C16orf96: variants seen among roughly 807,000 people sequenced by gnomAD.
C16orf96 encodes chromosome 16 open reading frame 96, also known as uncharacterized protein C16orf96.
Under a neutral mutation model 103.6 loss-of-function variants are expected in C16orf96, and 108 were observed. The observed-to-expected ratio is 1.04, with a 90% CI of 0.89 to 1.22. The LOEUF is 1.22. Ranked by LOEUF, C16orf96 falls within the 50% of genes most tolerant of loss-of-function variation. The pLI, the probability that C16orf96 is intolerant of heterozygous loss-of-function variation, is 0.00. For synonymous variants in C16orf96, 566 were observed against 593.5 expected, an observed-to-expected ratio of 0.95 and a Z score of 0.67; for missense variants, 1,586 against 1,464.2, an observed-to-expected ratio of 1.08 and a Z score of -1.36.
chr16:4,587,153 A>T, intron 8 of C16orf96, 40 bp downstream of exon 8: 1 of 1,502,582 alleles, frequency 6.7e-7, no homozygotes. Context: ...CTGCTCCCCT[A>T]CCCAGGGAAA....
intron 2 of C16orf96, among the ~76,000 whole-genome samples, chr16:4,573,438 CAA>C (rs71139644): frequency 4.7e-3 from 328 of 69,728 alleles, no homozygotes; most frequent in Non-Finnish European, 6.4e-3. Flanking sequence ...GACTCCGTCT[CAA>C]AAAAAAAAAA....
chr16:4,552,806 A>G (rs909456286), upstream of C16orf96, among the ~76,000 whole-genome samples: 5 of 152,208 alleles, frequency 3.3e-5, no homozygotes, highest in South Asian at 4.1e-4. Flanking sequence ...TCTGTTGTTC[A>G]TATGCTTGCC....
the C16orf96 span, among the ~76,000 whole-genome samples, chr16:4,541,632 T>C: frequency 6.6e-6 from 1 of 152,206 alleles, no homozygotes. Flanking sequence ...TAGTGTCATC[T>C]TTTTCTCATT....
chr16:4,599,405 G>A (rs1186764102), intron 15 of C16orf96, 41 bp downstream of exon 15: 1 of 1,513,066 alleles, frequency 6.6e-7, no homozygotes, highest in Non-Finnish European at 9.0e-7. Flanking sequence ...CTGTGATTCT[G>A]GAAGGGTCTC....
At chr16:4,549,258 A>G in the C16orf96 span, among the ~76,000 whole-genome samples, 2 of 151,956 alleles carry the variant, frequency 1.3e-5, no homozygotes, top group African/African-American at 4.8e-5. Context: ...GTGGATCACA[A>G]GGTCAGGAGA....
upstream of C16orf96, among the ~76,000 whole-genome samples, chr16:4,554,196 A>T (rs1249091195): frequency 3.3e-5 from 5 of 152,136 alleles, no homozygotes; most frequent in East Asian, 5.8e-4. Flanking sequence ...TGTCCTTATG[A>T]TGTCAGAGCA....
At position 4,575,490 on chromosome 16, in the gene C16orf96, G is replaced by T. The variant is rs1310860202; in HGVS notation, c.1010G>T (p.Gly337Val). The T allele has an allele frequency of 1.9e-5, 29 of 1,547,716 alleles. No individual in the cohort carries two copies. In the South Asian group the frequency reaches 2.9e-4, roughly 15 times the overall value. The change falls in exon 5 of 16, where the codon GGA (glycine) becomes GTA (valine). Residue 337 changes from glycine (G) to valine (V), a missense_variant. Gly to Val is a moderately radical substitution (Grantham distance 109). Coordinates refer to ENST00000444310, the MANE Select transcript of C16orf96 (RefSeq NM_001145011.2). The part of the protein sequence containing the change: ...GPAPGTEPVP[G>V]LELGLELEPV... ...GCACCTGGGACTGAACCTGTGCCAG[G>T]ACTGGAGCTGGGGCTGGAGCTGGAG...
upstream of C16orf96, among the ~76,000 whole-genome samples, chr16:4,552,118 G>C (rs892078262): frequency 5.9e-5 from 9 of 152,094 alleles, no homozygotes; most frequent in African/African-American, 2.2e-4. Context: ...CTGCAGTTTG[G>C]GGACTTTTTA....
chr16:4,591,555 G>A (rs1312115842), intron 9 of C16orf96, 111 bp from the exon 10 acceptor site: 1 of 836,466 alleles, frequency 1.2e-6, no homozygotes, highest in East Asian at 2.7e-5. Flanking sequence ...TATTTTAGTT[G>A]AATTTTGTTA....
At chr16:4,574,891 C>T (rs9922925) in intron 3 of C16orf96, 81 bp from the exon 4 acceptor site, 71,736 of 1,522,570 alleles carry the variant, frequency 0.047, 5,029 homozygotes, top group African/African-American at 0.34. Flanking sequence ...GAGAACACAG[C>T]CTGGAAAGGT....
At chr16:4,588,981 A>G (rs553842655) in intron 9 of C16orf96, among the ~76,000 whole-genome samples, 1 of 152,202 alleles carries the variant, frequency 6.6e-6, no homozygotes, top group Admixed American at 6.5e-5. Context: ...GTTCCAGTCT[A>G]CTATGAGGAA....
intron 5 of C16orf96, among the ~76,000 whole-genome samples, chr16:4,577,671 A>T (rs894032062): frequency 6.6e-6 from 1 of 151,500 alleles, no homozygotes; most frequent in East Asian, 1.9e-4. Flanking sequence ...AATTTTAAAC[A>T]TTGGCCGTGT....
intron 10 of C16orf96, 48 bp from the exon 11 acceptor site, chr16:4,592,257 T>A: frequency 6.5e-7 from 1 of 1,550,274 alleles, no homozygotes; most frequent in African/African-American, 1.4e-5. Context: ...CTCCCACACA[T>A]GGCCTGGGCC....
intron 1 of C16orf96, among the ~76,000 whole-genome samples, chr16:4,557,246 A>G (rs2059275451): frequency 1.3e-5 from 2 of 152,070 alleles, no homozygotes; most frequent in South Asian, 4.1e-4. Flanking sequence ...CTGGGATGAC[A>G]AGCGTGAGCC....
chr16:4,600,282 G>A lies in C16orf96; in HGVS notation c.3391G>A (p.Gly1131Ser), dbSNP rs975896413. Residue 1131 changes from glycine to serine, a missense_variant, in exon 16 of 16, where the codon GGC becomes AGC. Gly to Ser is a moderately conservative substitution (Grantham distance 56). Transcript: ENST00000444310. ...SRAPHIESRV[G>S]RKPPEEPANP The stretch of plus-strand genomic sequence containing the variant: ...AGCTCCACACATTGAGTCCCGAGTC[G>A]GCAGGAAGCCCCCCGAGGAGCCCGC... The A allele has an allele frequency of 1.9e-5, 30 of 1,550,994 alleles. No homozygotes were observed. The highest frequency in any genetic ancestry group is 3.4e-4 in the Middle Eastern group (2 of 5,890).
In C16orf96 at chr16:4,594,554, G is replaced by A. The variant is rs762637007; in HGVS notation, c.3027+44G>A. On this transcript the variant is annotated intron_variant, in intron 13 of 15. Transcript: ENST00000444310. ...TCCTTCTCAGAGGGTGGACGTCAGC[G>A]CACCCCAGCCCCAGGTGTGGGACCA... 37 of 1,544,322 alleles carry A rather than the reference G, an allele frequency of 2.4e-5. No individual in the cohort carries two copies. The South Asian group carries it at 3.0e-4, about 12-fold the overall frequency.
chr16:4,561,197 C>T (rs569135233), intron 1 of C16orf96: 2 of 151,342 alleles, frequency 1.3e-5, no homozygotes, highest in African/African-American at 4.9e-5. Flanking sequence ...ATCCCAGCTA[C>T]TGGGGAGGCT....
chr16:4,551,260 C>A, the C16orf96 span, among the ~76,000 whole-genome samples: 3 of 151,932 alleles, frequency 2.0e-5, no homozygotes, highest in African/African-American at 7.3e-5. Flanking sequence ...ACAGTGAGAC[C>A]CTATCTCAAA....
At chr16:4,588,816 G>A (rs1221351816) in intron 9 of C16orf96, among the ~76,000 whole-genome samples, 1 of 150,794 alleles carries the variant, frequency 6.6e-6, no homozygotes, top group Non-Finnish European at 1.5e-5. Context: ...GAGCCTCAGA[G>A]AGGTTATTAT....
Sources: allele counts gnomAD v4.1 joint callset (sites outside exome capture counted in the v4.1 genomes callset), GRCh38; gene constraint gnomAD v4.1.1; transcripts MANE v1.5; gene names NCBI Gene and HGNC (gene_info 2026-07-23, HGNC 2026-07-21).